KIF1C: variants seen among roughly 807,000 people sequenced by gnomAD.
KIF1C encodes kinesin-like protein KIF1C.
In KIF1C, 61 loss-of-function variants were observed where a neutral mutation model predicts 126.5. The ratio of observed to expected loss-of-function variants is 0.48; its 90% confidence interval spans 0.39 to 0.60. The LOEUF is 0.60. KIF1C is among the 20% of genes least tolerant of loss of function. The probability of loss-of-function intolerance (pLI) is 0.00; values close to 1 mark genes in which losing one functional copy is unlikely to be tolerated. For synonymous variants in KIF1C, 640 were observed against 580.6 expected (o/e 1.10, Z -1.47); for missense variants, 1,315 against 1,489.2 (o/e 0.88, Z 1.93).
At position 5,024,038 on chromosome 17, in the gene KIF1C, C is replaced by A. The variant is rs1474155917; in HGVS notation, c.3199C>A (p.Pro1067Thr). The change falls in exon 23 of 23, where the codon CCC (proline) becomes ACC (threonine). Residue 1067 changes from proline (P) to threonine (T), a missense_variant. Physicochemically the swap from Pro to Thr is conservative, Grantham distance 38. Around this residue, in one of 2 missense-constraint regions of KIF1C, gnomAD observed 441 missense variants for 436.1 expected, o/e 1.01. Coordinates refer to ENST00000320785, the MANE Select transcript of KIF1C (RefSeq NM_006612.6). ...CAACTCTTATCCCCAGCCACCCCAA[C>A]CCTACCCAGCCCAGCGGCCCCCAGG... ...KHNSYPQPPQ[P>T]YPAQRPPGPR... 1.3e-6 allele frequency: 2 copies of A among 1,589,418 alleles called. No individual in the cohort carries two copies. The highest frequency in any genetic ancestry group is 8.6e-7 in the Non-Finnish European group (1 of 1,167,598).
In KIF1C at chr17:5,001,390, A is replaced by G; in HGVS notation, c.352A>G (p.Ile118Val). 1.2e-6 allele frequency: 2 copies of G among 1,613,950 alleles called. No homozygotes were observed. Among genetic ancestry groups the G allele is most frequent in the Non-Finnish European group, 1.7e-6 (2 of 1,179,908 alleles). Reference protein sequence around the residue: ...MGRQEPGQQGIVPQLCEDLFS... With the variant: ...MGRQEPGQQGVVPQLCEDLFS... ...GCGACAGGAGCCAGGGCAGCAGGGC[A>G]TCGTGCCCCAGGTACGCCTAGGACC... The change falls in exon 5 of 23, where the codon ATC becomes GTC. Residue 118 changes from isoleucine (I) to valine (V), a missense_variant. By Grantham distance (29) the Ile-to-Val change is conservative (BLOSUM62 3). Coordinates refer to ENST00000320785, the MANE Select transcript of KIF1C (RefSeq NM_006612.6).
At position 5,024,779 on chromosome 17, in the gene KIF1C, T is replaced by C. The variant is rs1357628912; in HGVS notation, c.*628T>C. ...GCAATGGCACAGGTCTTAAGCATAC[T>C]TATCAGTGAAGTATTGTATGTGTGC... On this transcript the variant is annotated 3_prime_UTR_variant, in exon 23 of 23. Transcript: ENST00000320785. The C allele has an allele frequency of 6.5e-6, 1 of 152,810 alleles. No homozygotes were observed. The highest frequency in any genetic ancestry group is 2.4e-5 in the African/African-American group (1 of 41,450). 9.5% of individuals were successfully genotyped at this position (152,810 alleles called of 1,614,324 possible). A position where few individuals can be genotyped will look rare whatever the true frequency, so the allele number is the denominator to read the frequency against.
chr17:5,014,909 A>T (rs1974940877), intron 18 of KIF1C, 72 bp downstream of exon 18: 18 of 1,315,848 alleles, frequency 1.4e-5, no homozygotes, highest in Non-Finnish European at 1.9e-5. Flanking sequence ...CACTGAACTC[A>T]GAGGTCTGGG....
rs759006098 is a variant in KIF1C at position 5,002,117 on chromosome 17, CTG to C, written c.425_426del (p.Val142GlyfsTer10). 2 of 1,614,068 alleles carry C rather than the reference CTG, an allele frequency of 1.2e-6. No homozygotes were observed. The highest frequency in any genetic ancestry group is 1.1e-5 in the South Asian group (1 of 91,060). ...AACCAGAGTGCTCAGCTATCCTACTCTGTGGAGGTAAGCCCGGGTCTTGGTGG... is the reference window on the plus strand; with the variant it reads ...AACCAGAGTGCTCAGCTATCCTACTCTGGAGGTAAGCCCGGGTCTTGGTGG... On this transcript the variant is annotated frameshift_variant, in exon 6 of 23. Coordinates refer to ENST00000320785, the MANE Select transcript of KIF1C (RefSeq NM_006612.6). LOFTEE classifies it high-confidence loss of function.
chr17:5,002,904 T>G lies in KIF1C; in HGVS notation c.720+62T>G, dbSNP rs557788373. Reference sequence around the variant, plus strand: ...CAACCTCCCCTGGCAACAGGGACAGTGACATGGTAGAAGGGTCTTGGGCCC... The same window carrying G: ...CAACCTCCCCTGGCAACAGGGACAGGGACATGGTAGAAGGGTCTTGGGCCC... On this transcript the variant is annotated intron_variant, in intron 8 of 22. Transcript: ENST00000320785. 178 of 1,320,564 alleles carry G rather than the reference T, an allele frequency of 1.3e-4. 1 individual carries two copies. The African/African-American group carries it at 2.5e-3, about 19-fold the overall frequency. The allele number at this position is 1,320,564 out of a possible 1,614,324, so 81.8% of individuals were successfully genotyped here. A position where few individuals can be genotyped will look rare whatever the true frequency, so the allele number is the denominator to read the frequency against.
intron 13 of KIF1C, among the ~76,000 whole-genome samples, chr17:5,005,272 C>T (rs576510845): frequency 1.3e-5 from 2 of 152,316 alleles, no homozygotes; most frequent in Admixed American, 1.3e-4. Flanking sequence ...GAAAAAATGG[C>T]AATATATGCT....
intron 11 of KIF1C, among the ~76,000 whole-genome samples, 199 bp downstream of exon 11, chr17:5,004,272 C>T (rs891161913): frequency 6.6e-6 from 1 of 152,174 alleles, no homozygotes; most frequent in Non-Finnish European, 1.5e-5. Flanking sequence ...AGCCAAGGGC[C>T]TCACTGACCT....
Position 5,002,791 on chromosome 17 carries a change from C to T in KIF1C, c.669C>T (p.Ile223=), listed in dbSNP as rs375834968. 36 of 1,613,874 alleles carry T rather than the reference C, an allele frequency of 2.2e-5. No individual in the cohort carries two copies. The highest frequency in any genetic ancestry group is 2.5e-5 in the Non-Finnish European group (30 of 1,179,984). ...GCCGTTCCCATGCCGTCTTTACCAT[C>T]GTCTTCACACAGCGCTGCCATGACC... ...TSSRSHAVFT[I]VFTQRCHDQL... The change falls in exon 8 of 23, where the codon ATC becomes ATT. Residue 223 remains isoleucine (I), a synonymous_variant. Transcript: ENST00000320785.
At position 5,022,173 on chromosome 17, in the gene KIF1C, C is replaced by G. The variant is rs771713573; in HGVS notation, c.2092C>G (p.Gln698Glu). The G allele has an allele frequency of 6.2e-7, 1 of 1,614,014 alleles. No individual in the cohort carries two copies. Among genetic ancestry groups the G allele is most frequent in the East Asian group, 2.2e-5 (1 of 44,880 alleles). Residue 698 changes from glutamine (Q) to glutamate (E), a missense_variant, in exon 22 of 23, where the codon CAG becomes GAG. By Grantham distance (29) the Gln-to-Glu change is conservative (BLOSUM62 2). Transcript: ENST00000320785. The surrounding 1 kb of genome is among the most constrained non-coding windows in gnomAD (Gnocchi z 4.9). The part of the protein sequence containing the change: ...SWRLISSLRE[Q>E]LPPTTVQTIV... ...GAGGCTCATCTCCTCCTTGCGGGAG[C>G]AGCTGCCGCCCACCACGGTCCAGAC...
chr17:5,010,411 G>T (rs188009763), intron 16 of KIF1C, among the ~76,000 whole-genome samples: 1 of 152,292 alleles, frequency 6.6e-6, no homozygotes, highest in East Asian at 1.9e-4. Flanking sequence ...CTGTAGAGCA[G>T]ATTCCTAGAA....
At position 5,023,835 on chromosome 17, in the gene KIF1C, C is replaced by T; in HGVS notation, c.2996C>T (p.Ala999Val). 6.6e-7 allele frequency: 1 copy of T among 1,518,968 alleles called. No homozygotes were observed. Among genetic ancestry groups the T allele is most frequent in the Non-Finnish European group, 8.8e-7 (1 of 1,134,534 alleles). The allele number at this position is 1,518,968 out of a possible 1,614,324, so 94.1% of individuals were successfully genotyped here. The change falls in exon 23 of 23, where the codon GCT becomes GTT. Residue 999 changes from alanine to valine, a missense_variant. Transcript: ENST00000320785. The surrounding 1 kb of genome is among the most constrained non-coding windows in gnomAD (Gnocchi z 4.2). ...ESWPGMGSGEAPTPLQPPEEV... is the reference protein window; with the variant it reads ...ESWPGMGSGEVPTPLQPPEEV... ...TGGCCAGGGATGGGGAGCGGGGAGG[C>T]TCCAACTCCGCTCCAACCCCCTGAG...
chr17:5,012,377 C>T (rs758222419), intron 16 of KIF1C, among the ~76,000 whole-genome samples: 18 of 147,664 alleles, frequency 1.2e-4, no homozygotes, highest in East Asian at 2.0e-4. Context: ...GGGGGCGGGG[C>T]GGGAGGCGGT....
At chr17:5,018,349 C>T (rs112962353) in intron 18 of KIF1C, among the ~76,000 whole-genome samples, 43 of 85,500 alleles carry the variant, frequency 5.0e-4, no homozygotes, top group African/African-American at 1.9e-3. Flanking sequence ...ATGCCTTTTT[C>T]CCCCCCTCTT....
At chr17:5,013,829 T>A (rs968864240) in intron 17 of KIF1C, 97 bp downstream of exon 17, 2 of 862,802 alleles carry the variant, frequency 2.3e-6, no homozygotes, top group Admixed American at 4.2e-5. Flanking sequence ...TGGTGGTCCC[T>A]GGAGATACCT....
Position 5,001,294 on chromosome 17 carries a change from T to G in KIF1C, c.256T>G (p.Phe86Val). 1.2e-6 allele frequency: 2 copies of G among 1,614,140 alleles called. No homozygotes were observed. Among genetic ancestry groups the G allele is most frequent in the Non-Finnish European group, 1.7e-6 (2 of 1,179,996 alleles). ...TGGAGAAGAGATGCTGCTCCACGCC[T>G]TTGAAGGCTACAACGTGTGCATCTT... The part of the protein sequence containing the change: ...DIGEEMLLHA[F>V]EGYNVCIFAY... The change falls in exon 5 of 23, where the codon TTT becomes GTT. Residue 86 changes from phenylalanine (F) to valine (V), a missense_variant. By Grantham distance (50) the Phe-to-Val change is conservative. Around this residue, in one of 2 missense-constraint regions of KIF1C, gnomAD observed 874 missense variants for 1,053.2 expected, o/e 0.83. Transcript: ENST00000320785.
intron 13 of KIF1C, among the ~76,000 whole-genome samples, chr17:5,005,730 CTT>C (rs72032376): frequency 9.6e-4 from 137 of 142,434 alleles, no homozygotes; most frequent in Non-Finnish European, 7.7e-4. Flanking sequence ...GCTAAGAATT[CTT>C]TTTTTTTTTT....
rs1182080806 is a variant in KIF1C, at chr17:5,022,440, G to A, written c.2359G>A (p.Gly787Ser). 1.3e-6 allele frequency: 2 copies of A among 1,582,852 alleles called. No homozygotes were observed. Among genetic ancestry groups the A allele is most frequent in the Non-Finnish European group, 1.7e-6 (2 of 1,163,274 alleles). The change falls in exon 22 of 23, where the codon GGC (glycine) becomes AGC (serine). Residue 787 changes from glycine to serine, a missense_variant. Transcript: ENST00000320785. The surrounding 1 kb of genome is among the most constrained non-coding windows in gnomAD (Gnocchi z 4.9). ...LKMRELCRTY[G>S]KPDGPGDAWR... The stretch of plus-strand genomic sequence containing the variant: ...GATGCGGGAGCTGTGTCGCACCTAT[G>A]GCAAGCCAGACGGCCCCGGAGACGC...
chr17:5,001,514 T>C (rs901842710), intron 5 of KIF1C, 113 bp downstream of exon 5: 3 of 1,075,232 alleles, frequency 2.8e-6, no homozygotes, highest in South Asian at 1.5e-5. Context: ...TCTGAGGCCA[T>C]TGGTGATGGG....
In KIF1C at chr17:5,004,990, T is replaced by C; in HGVS notation, c.1155T>C (p.Ser385=). 1.2e-6 allele frequency: 2 copies of C among 1,614,216 alleles called. No homozygotes were observed. Among genetic ancestry groups the C allele is most frequent in the Non-Finnish European group, 1.7e-6 (2 of 1,180,022 alleles). Residue 385 remains serine, a synonymous_variant, in exon 13 of 23, where the codon TCT becomes TCC. Coordinates refer to ENST00000320785, the MANE Select transcript of KIF1C (RefSeq NM_006612.6). ...TGATGGCTCAGGGACTGTCAGCCTC[T>C]GCTCTGGAAGGTCGAGGTTCCAGGG... The part of the protein sequence containing the change: ...ELLMAQGLSA[S]ALEGLKTEEG...
Sources: gnomAD v4.1 joint callset for allele counts (sites outside exome capture counted in the v4.1 genomes callset) on GRCh38, gnomAD v4.1.1 for gene constraint, gnomAD v4.1.1 regional missense constraint, Gnocchi (gnomAD v3.1) non-coding constraint, MANE v1.5 for transcripts, NCBI Gene and HGNC (gene_info 2026-07-23, HGNC 2026-07-21) for gene names.